INSR: variants seen among roughly 807,000 people sequenced by gnomAD.
INSR encodes the protein insulin receptor.
A neutral mutation model predicts 142.6 loss-of-function variants in INSR; 67 were observed. That is an observed-to-expected ratio of 0.47 (90% CI 0.39 to 0.58). INSR has a LOEUF of 0.58. Ranked by LOEUF, INSR falls within the 20% of genes least tolerant of loss-of-function variation. The probability of loss-of-function intolerance (pLI) is 0.00; values close to 1 mark genes in which losing one functional copy is unlikely to be tolerated. For missense variants in INSR, 1,248 were observed against 1,833.2 expected, an observed-to-expected ratio of 0.68 and a Z score of 5.83; for synonymous variants, 756 against 743.1, an observed-to-expected ratio of 1.02 and a Z score of -0.28.
At chr19:7,118,403 T>C (rs1435422787) in intron 21 of INSR, among the ~76,000 whole-genome samples, 2 of 151,900 alleles carry the variant, frequency 1.3e-5, no homozygotes, top group Non-Finnish European at 2.9e-5. Context: ...CTGCAACCTC[T>C]GCCTCCCCGA....
At chr19:7,271,834 T>C (rs1176455204) in intron 1 of INSR, among the ~76,000 whole-genome samples, 1 of 149,460 alleles carries the variant, frequency 6.7e-6, no homozygotes, top group Non-Finnish European at 1.5e-5. Flanking sequence ...ACATAGCGAG[T>C]CTCCATCTCT....
At chr19:7,163,230 T>A (rs1568457715) in intron 8 of INSR, 31 bp from the exon 9 acceptor site, 3 of 1,592,846 alleles carry the variant, frequency 1.9e-6, no homozygotes, top group African/African-American at 1.4e-5. Flanking sequence ...GGGTCCATCA[T>A]GAGAAACAGT....
At chr19:7,130,445 G>A (rs921817511) in intron 14 of INSR, among the ~76,000 whole-genome samples, 1 of 152,218 alleles carries the variant, frequency 6.6e-6, no homozygotes, top group African/African-American at 2.4e-5. Context: ...TTGTTGAAAT[G>A]TAATCCCCAA....
At chr19:7,274,737 G>A (rs113687445) in intron 1 of INSR, among the ~76,000 whole-genome samples, 23,265 of 150,430 alleles carry the variant, frequency 0.15, 2,187 homozygotes, top group East Asian at 0.21. Flanking sequence ...CCCAGGAGGC[G>A]GAGCTTGCAG....
intron 1 of INSR, among the ~76,000 whole-genome samples, chr19:7,275,846 C>G (rs1968049543): frequency 6.6e-6 from 1 of 151,964 alleles, no homozygotes; most frequent in South Asian, 2.1e-4. Flanking sequence ...CAAGAGCCAC[C>G]CGTGGATGGT....
At chr19:7,200,348 G>T (rs1974918327) in intron 2 of INSR, among the ~76,000 whole-genome samples, 1 of 152,080 alleles carries the variant, frequency 6.6e-6, no homozygotes, top group African/African-American at 2.4e-5. Context: ...TGGGCAACTG[G>T]ATACAACTCA....
intron 2 of INSR, among the ~76,000 whole-genome samples, chr19:7,190,138 G>A (rs10404874): frequency 0.57 from 85,645 of 151,472 alleles, 25,158 homozygotes; most frequent in Admixed American, 0.63. Flanking sequence ...CTTGAGCCCA[G>A]GCATTCGAGA....
chr19:7,258,746 G>C (rs1428857424), intron 2 of INSR, among the ~76,000 whole-genome samples: 4 of 149,120 alleles, frequency 2.7e-5, no homozygotes, highest in Non-Finnish European at 6.0e-5. Context: ...CTGTGAGCCA[G>C]GTACTATGAC....
Position 7,185,841 on chromosome 19 carries a change from C to CAAAAAAA in INSR, c.653-1211_653-1205dup, listed in dbSNP as rs754262409. Among the ~76,000 whole-genome samples the CAAAAAAA allele has an allele frequency of 1.2e-3, 54 of 45,030 alleles. 2 individuals are homozygous for CAAAAAAA. Among genetic ancestry groups the CAAAAAAA allele is most frequent in the African/African-American group, 3.2e-3 (31 of 9,824 alleles). 29.5% of individuals were successfully genotyped at this position (45,030 alleles called of 152,430 possible). A position where few individuals can be genotyped will look rare whatever the true frequency, so the allele number is the denominator to read the frequency against. On this transcript the variant is annotated intron_variant, in intron 2 of 21. Transcript: ENST00000302850. ...CTGGGCAACAAGTGCAAAATTCTGT[C>CAAAAAAA]AAAAAAAAAAAAAAAAAAGAGAGAG...
intron 15 of INSR, among the ~76,000 whole-genome samples, chr19:7,126,881 T>G (rs1165678240): frequency 6.6e-6 from 1 of 152,026 alleles, no homozygotes. Flanking sequence ...CTGGGTGGTT[T>G]TTTTTTTGTT....
chr19:7,216,402 C>T lies in INSR; in HGVS notation c.653-31765G>A, dbSNP rs1019922096. Among the ~76,000 whole-genome samples the T allele has an allele frequency of 2.0e-5, 3 of 152,144 alleles. No homozygotes were observed. Among genetic ancestry groups the T allele is most frequent in the Non-Finnish European group, 2.9e-5 (2 of 68,038 alleles). Reference sequence around the variant, plus strand: ...AATATTACATGGCGTCTTGGACCTCCGTGATGTTATGCGGTACAAATGAGA... The same window carrying T: ...AATATTACATGGCGTCTTGGACCTCTGTGATGTTATGCGGTACAAATGAGA... On this transcript the variant is annotated intron_variant, in intron 2 of 21. Coordinates refer to ENST00000302850, the MANE Select transcript of INSR (RefSeq NM_000208.4). This position sits in a 1 kb window ranked among gnomAD's most constrained non-coding sequence, Gnocchi z 4.2.
intron 2 of INSR, among the ~76,000 whole-genome samples, chr19:7,261,091 T>C (rs1371422258): frequency 6.6e-6 from 1 of 152,076 alleles, no homozygotes; most frequent in Non-Finnish European, 1.5e-5. Flanking sequence ...TTTCTCCATG[T>C]TGCCCAGGCT....
intron 2 of INSR, among the ~76,000 whole-genome samples, chr19:7,258,829 C>G (rs1292441719): frequency 1.3e-5 from 2 of 149,072 alleles, no homozygotes; most frequent in Non-Finnish European, 3.0e-5. Flanking sequence ...TAAGTCAAGA[C>G]AGAATGAGAA....
intron 4 of INSR, 89 bp downstream of exon 4, chr19:7,174,494 A>G (rs1409964035): frequency 3.5e-6 from 5 of 1,440,462 alleles, no homozygotes; most frequent in African/African-American, 2.8e-5. Flanking sequence ...AGCACGCAGC[A>G]GGGTCTGCAC....
At chr19:7,198,557 C>A (rs1974858347) in intron 2 of INSR, among the ~76,000 whole-genome samples, 1 of 152,098 alleles carries the variant, frequency 6.6e-6, no homozygotes, top group African/African-American at 2.4e-5. Flanking sequence ...GCCGAGGGGC[C>A]CCCTGACCCC....
At chr19:7,275,716 G>A (rs1968045722) in intron 1 of INSR, among the ~76,000 whole-genome samples, 1 of 151,830 alleles carries the variant, frequency 6.6e-6, no homozygotes, top group Non-Finnish European at 1.5e-5. Context: ...GAACCTGGGA[G>A]GCAGAGGTTG....
chr19:7,187,284 G>C (rs527970026), intron 2 of INSR, among the ~76,000 whole-genome samples: 1 of 151,882 alleles, frequency 6.6e-6, no homozygotes, highest in East Asian at 1.9e-4. Flanking sequence ...GTTTCACCGT[G>C]TTGGCCAGGC....
In INSR at chr19:7,183,263, G is replaced by GGTGTGTGTGTGTGT. The variant is rs71177167; in HGVS notation, c.974+1039_974+1052dup. Among the ~76,000 whole-genome samples the GGTGTGTGTGTGTGT allele has an allele frequency of 6.2e-3, 909 of 146,576 alleles. 4 individuals carry two copies. The highest frequency in any genetic ancestry group is 9.2e-3 in the Non-Finnish European group (615 of 66,574). The stretch of plus-strand genomic sequence containing the variant: ...CTGATTTGTTTTTGTGTTGTTTTGT[G>GGTGTGTGTGTGTGT]GTGTGTGTGTGTGTGTGTGTGTGTG... On this transcript the variant is annotated intron_variant, in intron 3 of 21. Transcript: ENST00000302850.
chr19:7,125,135 C>G lies in INSR; in HGVS notation c.3258+148G>C. The G allele has an allele frequency of 1.1e-6, 1 of 943,332 alleles. No individual in the cohort carries two copies. Among genetic ancestry groups the G allele is most frequent in the Non-Finnish European group, 1.7e-6 (1 of 604,728 alleles). The allele number at this position is 943,332 out of a possible 1,614,324, so 58.4% of individuals were successfully genotyped here. On this transcript the variant is annotated intron_variant, in intron 17 of 21. Coordinates refer to ENST00000302850, the MANE Select transcript of INSR (RefSeq NM_000208.4). This position sits in a 1 kb window ranked among gnomAD's most constrained non-coding sequence, Gnocchi z 4.9. ...GGATTTGAGAAGGGAATGATCCCTC[C>G]TCACACCTCTAGGATGGGAAGCTTA... is the stretch of plus-strand genomic sequence containing the variant.
Sources: allele counts gnomAD v4.1 joint callset (sites outside exome capture counted in the v4.1 genomes callset), GRCh38; gene constraint gnomAD v4.1.1; non-coding constraint Gnocchi (gnomAD v3.1); transcripts MANE v1.5; gene names NCBI Gene and HGNC (gene_info 2026-07-23, HGNC 2026-07-21).